Variants in DHDDS observed in about 807,000 individuals in gnomAD.
The protein encoded by DHDDS is dehydrodolichyl diphosphate synthase complex subunit DHDDS.
Under a neutral mutation model 46.2 loss-of-function variants are expected in DHDDS, and 16 were observed. The observed-to-expected ratio is 0.35, with a 90% CI of 0.23 to 0.53. The LOEUF (loss-of-function observed/expected upper bound fraction) is 0.53, where lower values mean the gene tolerates loss of function less well. Ranked by LOEUF, DHDDS falls within the 20% of genes least tolerant of loss-of-function variation. The pLI, the probability that DHDDS is intolerant of heterozygous loss-of-function variation, is 0.94. For synonymous variants in DHDDS, 151 were observed against 163.1 expected, an observed-to-expected ratio of 0.93 and a Z score of 0.56; for missense variants, 340 against 423.7, an observed-to-expected ratio of 0.80 and a Z score of 1.73.
At chr1:26,460,887 T>C (rs2075415711) in intron 8 of DHDDS, among the ~76,000 whole-genome samples, 1 of 152,174 alleles carries the variant, frequency 6.6e-6, no homozygotes, top group South Asian at 2.1e-4. Context: ...TATTTATTTA[T>C]TTTGAGATGG....
At chr1:26,451,200 G>A (rs188385630) in intron 6 of DHDDS, among the ~76,000 whole-genome samples, 3 of 152,298 alleles carry the variant, frequency 2.0e-5, no homozygotes, top group Admixed American at 6.5e-5. Context: ...ACCAACTCCT[G>A]AAGCTTGGTG....
At position 26,469,488 on chromosome 1, in the gene DHDDS, C is replaced by A. The variant is rs919835526; in HGVS notation, c.*357C>A. 1.5e-5 allele frequency: 6 copies of A among 392,604 alleles called. No homozygotes were observed. The East Asian group carries it at 3.5e-4, about 23-fold the overall frequency. 24.3% of individuals were successfully genotyped at this position (392,604 alleles called of 1,614,324 possible). On this transcript the variant is annotated 3_prime_UTR_variant, in exon 9 of 9. Transcript: ENST00000236342. The stretch of plus-strand genomic sequence containing the variant: ...CAGAATTTCAGGGAAGAGTTCTCCC[C>A]AAAACCCTAGCTCTTTACCCTTCCA...
At position 26,447,598 on chromosome 1, in the gene DHDDS, T is replaced by C. The variant is rs758260694; in HGVS notation, c.480T>C (p.His160=). The change falls in exon 6 of 9, where the codon CAT becomes CAC. Residue 160 remains histidine, a synonymous_variant. Coordinates refer to ENST00000236342, the MANE Select transcript of DHDDS (RefSeq NM_205861.3). ...TCTGTTTTGCATACACATCCCGTCA[T>C]GAGATCAGCAATGCTGTGAGAGAGA... ...LNVCFAYTSR[H]EISNAVREMA... is the part of the protein sequence containing the mutation. The C allele has an allele frequency of 5.4e-5, 87 of 1,606,182 alleles. No individual in the cohort carries two copies. Among genetic ancestry groups the C allele is most frequent in the Non-Finnish European group, 6.2e-5 (73 of 1,173,490 alleles).
chr1:26,432,731 T>G (rs2075116309), intron 1 of DHDDS, 160 bp from the exon 2 acceptor site: 5 of 591,004 alleles, frequency 8.5e-6, no homozygotes, highest in Non-Finnish European at 1.5e-5. Flanking sequence ...GAGGTCACAT[T>G]GCGTTATAAA....
intron 8 of DHDDS, among the ~76,000 whole-genome samples, chr1:26,466,763 A>C (rs749023993): frequency 5.9e-5 from 9 of 152,252 alleles, no homozygotes; most frequent in African/African-American, 1.2e-4. Flanking sequence ...TACTTAGCCC[A>C]GTCCACAAGT....
chr1:26,460,555 G>A (rs891374965), intron 8 of DHDDS, among the ~76,000 whole-genome samples: 68 of 152,250 alleles, frequency 4.5e-4, no homozygotes, highest in Admixed American at 2.6e-3. Flanking sequence ...GTAGCAGTAG[G>A]GATTAAGAAC....
At chr1:26,445,965 G>T (rs544953775) in intron 4 of DHDDS, among the ~76,000 whole-genome samples, 2 of 148,932 alleles carry the variant, frequency 1.3e-5, no homozygotes, top group African/African-American at 5.0e-5. Flanking sequence ...GGAGGTTGCA[G>T]TGAGCTGAGA....
chr1:26,457,469 C>CAAATAAAT (rs578033799), intron 6 of DHDDS, among the ~76,000 whole-genome samples: 2 of 142,500 alleles, frequency 1.4e-5, no homozygotes, highest in African/African-American at 5.2e-5. Context: ...GACTCTATCT[C>CAAATAAAT]AAATAAATAA....
At chr1:26,467,133 C>CCACACTTG in intron 8 of DHDDS, 1 of 300,842 alleles carries the variant, frequency 3.3e-6, no homozygotes, top group Non-Finnish European at 7.4e-6. Context: ...TGTTCATCAG[C>CCACACTTG]CACACTTGCT....
rs573203992 is a variant in DHDDS at position 26,441,219 on chromosome 1, G to A, written c.181-1512G>A. ...ATTATAGGTGTGAGCCACCACGCCC[G>A]GCCTGTTTTTTTTTGAGTTGAAGTC... On this transcript the variant is annotated intron_variant, in intron 3 of 8. Coordinates refer to ENST00000236342, the MANE Select transcript of DHDDS (RefSeq NM_205861.3). Among the ~76,000 whole-genome samples the A allele has an allele frequency of 3.3e-5, 5 of 149,874 alleles. No homozygotes were observed. In the East Asian group the frequency reaches 7.9e-4, roughly 24 times the overall value.
At chr1:26,435,129 C>T (rs1411725167) in intron 2 of DHDDS, among the ~76,000 whole-genome samples, 1 of 151,866 alleles carries the variant, frequency 6.6e-6, no homozygotes, top group East Asian at 1.9e-4. Flanking sequence ...CCTGCCTCAG[C>T]CTCCCGAGTA....
At chr1:26,461,463 G>A (rs906954797) in intron 8 of DHDDS, among the ~76,000 whole-genome samples, 10 of 145,846 alleles carry the variant, frequency 6.9e-5, no homozygotes, top group Admixed American at 2.9e-4. Flanking sequence ...TCGGCTCACC[G>A]AAACCTCCGC....
intron 6 of DHDDS, among the ~76,000 whole-genome samples, chr1:26,451,131 T>C (rs1003096192): frequency 4.6e-5 from 7 of 152,184 alleles, no homozygotes; most frequent in Admixed American, 1.3e-4. Context: ...GGGTTAGTTA[T>C]GCAGACAGGG....
chr1:26,460,187 G>A (rs2075408626), intron 8 of DHDDS, 43 bp downstream of exon 8: 2 of 1,461,128 alleles, frequency 1.4e-6, no homozygotes, highest in African/African-American at 2.8e-5. Context: ...TGGGATGGAA[G>A]AAAAGATTAG....
intron 2 of DHDDS, among the ~76,000 whole-genome samples, 156 bp from the exon 3 acceptor site, chr1:26,438,012 T>TA (rs2075178589): frequency 6.6e-6 from 1 of 152,154 alleles, no homozygotes; most frequent in African/African-American, 2.4e-5. Context: ...TAAGTAAACT[T>TA]TAATGTCTTT....
At chr1:26,468,087 G>C (rs1392335397) in intron 8 of DHDDS, among the ~76,000 whole-genome samples, 1 of 152,208 alleles carries the variant, frequency 6.6e-6, no homozygotes. Flanking sequence ...AGAGCTGGTT[G>C]CAAGAGGCTT....
intron 6 of DHDDS, among the ~76,000 whole-genome samples, chr1:26,450,356 A>G (rs1482761577): frequency 6.6e-6 from 1 of 152,108 alleles, no homozygotes; most frequent in Non-Finnish European, 1.5e-5. Context: ...TTTGTTGCCC[A>G]GGATGGTCTT....
At chr1:26,436,249 AT>A (rs1014314181) in intron 2 of DHDDS, among the ~76,000 whole-genome samples, 27 of 152,196 alleles carry the variant, frequency 1.8e-4, no homozygotes, top group African/African-American at 3.1e-4. Context: ...ATATAAAAAA[AT>A]TAGCTGGGTG....
Position 26,469,183 on chromosome 1 carries a change from C to G in DHDDS, c.*52C>G, listed in dbSNP as rs1357367736. On this transcript the variant is annotated 3_prime_UTR_variant, in exon 9 of 9. Transcript: ENST00000236342. ...CCTGCCCTCTGCCTCCAGGGCTCCA[C>G]TCCCCTTCCTTTTCTTGGTGAAAGG... is the stretch of plus-strand genomic sequence containing the variant. 9.3e-6 allele frequency: 15 copies of G among 1,609,586 alleles called. No homozygotes were observed. Among genetic ancestry groups the G allele is most frequent in the Non-Finnish European group, 1.2e-5 (14 of 1,180,014 alleles).
Sources: gnomAD v4.1 joint callset for allele counts (sites outside exome capture counted in the v4.1 genomes callset) on GRCh38, gnomAD v4.1.1 for gene constraint, MANE v1.5 for transcripts, NCBI Gene and HGNC (gene_info 2026-07-23, HGNC 2026-07-21) for gene names.